The following PPP2R2C variants were observed in gnomAD, a reference collection of about 807,000 sequenced individuals.
PPP2R2C encodes protein phosphatase 2 regulatory subunit Bgamma.
PPP2R2C carries 10 observed loss-of-function variants against 45.3 expected under a neutral mutation model. The observed-to-expected ratio is 0.22, with a 90% CI of 0.14 to 0.37. PPP2R2C has a LOEUF of 0.37. Ranked by LOEUF, PPP2R2C falls within the 10% of genes least tolerant of loss-of-function variation. PPP2R2C has a pLI of 1.00. For synonymous variants in PPP2R2C, 257 were observed against 245.4 expected, an observed-to-expected ratio of 1.05 and a Z score of -0.44; for missense variants, 308 against 619.7, an observed-to-expected ratio of 0.50 and a Z score of 5.34.
At chr4:6,468,376 A>C (rs1375346644) in intron 1 of PPP2R2C, among the ~76,000 whole-genome samples, 1 of 152,196 alleles carries the variant, frequency 6.6e-6, no homozygotes, top group Non-Finnish European at 1.5e-5. Context: ...ACTCTGTGGG[A>C]ATAAACAGAC....
intron 2 of PPP2R2C, among the ~76,000 whole-genome samples, chr4:6,512,530 A>C (rs7375817): frequency 2.0e-5 from 1 of 50,526 alleles, no homozygotes; most frequent in African/African-American, 8.0e-5. Context: ...GGTGGTGGTG[A>C]TGGTGATGGT....
intron 6 of PPP2R2C, among the ~76,000 whole-genome samples, chr4:6,340,593 G>A (rs1733368471): frequency 1.3e-5 from 2 of 152,086 alleles, no homozygotes; most frequent in African/African-American, 4.8e-5. Context: ...GGGGGGCAGG[G>A]CCCACCACCT....
intron 2 of PPP2R2C, among the ~76,000 whole-genome samples, chr4:6,497,161 G>A (rs1035265249): frequency 6.6e-6 from 1 of 152,142 alleles, no homozygotes; most frequent in Non-Finnish European, 1.5e-5. Context: ...CATGAGCACC[G>A]GCAGGACACC....
At chr4:6,514,898 T>C (rs758338239) in intron 2 of PPP2R2C, among the ~76,000 whole-genome samples, 53 of 152,184 alleles carry the variant, frequency 3.5e-4, no homozygotes, top group Non-Finnish European at 6.9e-4. Context: ...TGGGCACTCC[T>C]TGGCTTGTAG....
At chr4:6,445,507 G>GCCTCATAGAC (rs1422257451) in intron 1 of PPP2R2C, among the ~76,000 whole-genome samples, 1 of 152,266 alleles carries the variant, frequency 6.6e-6, no homozygotes, top group Non-Finnish European at 1.5e-5. Flanking sequence ...CAAAGGCACA[G>GCCTCATAGAC]CCTCATAGAC....
In PPP2R2C at chr4:6,345,581, G is replaced by A. The variant is rs1031414125; in HGVS notation, c.790+2265C>T. Among the ~76,000 whole-genome samples, 8 of 152,134 alleles carry A rather than the reference G, an allele frequency of 5.3e-5. No homozygotes were observed. Among genetic ancestry groups the A allele is most frequent in the Non-Finnish European group, 1.0e-4 (7 of 68,012 alleles). On this transcript the variant is annotated intron_variant, in intron 6 of 8. Transcript: ENST00000382599. This position sits in a 1 kb window ranked among gnomAD's most constrained non-coding sequence, Gnocchi z 5.3. ...GAGAGAGGCTTGGCCGCTGTGGGCT[G>A]GGAGGATGGGGGAGGGGCCACGTGC... is the stretch of plus-strand genomic sequence containing the variant.
At chr4:6,503,030 G>C (rs1723109467) in intron 2 of PPP2R2C, among the ~76,000 whole-genome samples, 2 of 152,110 alleles carry the variant, frequency 1.3e-5, no homozygotes, top group Admixed American at 1.3e-4. Flanking sequence ...CCTCACTGCT[G>C]TCTGTTCTCA....
At chr4:6,544,014 G>A (rs1724893635) in intron 1 of PPP2R2C, among the ~76,000 whole-genome samples, 1 of 152,166 alleles carries the variant, frequency 6.6e-6, no homozygotes, top group African/African-American at 2.4e-5. Context: ...AGTCCCCAGA[G>A]TGGACTGCCC....
chr4:6,517,158 G>A (rs576585222), intron 2 of PPP2R2C, among the ~76,000 whole-genome samples: 9 of 152,292 alleles, frequency 5.9e-5, no homozygotes, highest in African/African-American at 2.2e-4. Context: ...CAGATTGCTC[G>A]CCTGGCAGAA....
intron 1 of PPP2R2C, among the ~76,000 whole-genome samples, chr4:6,555,293 A>G (rs948381676): frequency 6.6e-6 from 1 of 152,216 alleles, no homozygotes; most frequent in African/African-American, 2.4e-5. Context: ...ACACAGCCCC[A>G]ACACACTAAC....
In PPP2R2C at chr4:6,498,543, A is replaced by G. The variant is rs115414017; in HGVS notation, c.49+36728T>C. On this transcript the variant is annotated intron_variant, in intron 2 of 9. Coordinates refer to the PPP2R2C transcript ENST00000506140. ...AGTATCAAGGATTAAAAAAATAGCA[A>G]TGGGGTGGAGATAATTCATTGGGTG... is the stretch of plus-strand genomic sequence containing the variant. 7.6e-3 allele frequency among the ~76,000 whole-genome samples: 1,163 copies of G among 152,296 alleles called. 9 individuals carry two copies. The highest frequency in any genetic ancestry group is 0.027 in the African/African-American group (1,113 of 41,552).
intron 1 of PPP2R2C, among the ~76,000 whole-genome samples, chr4:6,543,006 C>G (rs1724855909): frequency 6.6e-6 from 1 of 152,248 alleles, no homozygotes; most frequent in African/African-American, 2.4e-5. Flanking sequence ...AGAACAGAAG[C>G]ATGTTTGGCC....
At chr4:6,428,272 T>G (rs918619245) in intron 1 of PPP2R2C, among the ~76,000 whole-genome samples, 5 of 152,208 alleles carry the variant, frequency 3.3e-5, no homozygotes, top group Admixed American at 6.5e-5. Flanking sequence ...CCCGTCAACA[T>G]GGCTGTGTTT....
intron 2 of PPP2R2C, among the ~76,000 whole-genome samples, chr4:6,529,241 G>A (rs1724315533): frequency 1.3e-5 from 2 of 152,228 alleles, no homozygotes; most frequent in South Asian, 4.1e-4. Context: ...AAGCGACGCA[G>A]GAGCTCCCAC....
chr4:6,414,047 TGG>T (rs1577161985), intron 1 of PPP2R2C: 2 of 1,513,042 alleles, frequency 1.3e-6, no homozygotes, highest in East Asian at 4.9e-5. Flanking sequence ...GAATTATGCA[TGG>T]GACAGTAACA....
At chr4:6,555,756 A>C (rs1023923654) in intron 1 of PPP2R2C, 3 of 152,156 alleles carry the variant, frequency 2.0e-5, no homozygotes, top group African/African-American at 7.2e-5. Flanking sequence ...TGGGAAGGCG[A>C]TTCTGTATCT....
chr4:6,552,047 C>T (rs1186742225), intron 1 of PPP2R2C, among the ~76,000 whole-genome samples: 1 of 152,216 alleles, frequency 6.6e-6, no homozygotes, highest in Non-Finnish European at 1.5e-5. Context: ...AAAGGACCAG[C>T]AAAGACAGCA....
intron 5 of PPP2R2C, 115 bp from the exon 6 acceptor site, chr4:6,348,125 G>C: frequency 1.6e-6 from 2 of 1,234,674 alleles, no homozygotes. Flanking sequence ...CGTCTGAGCT[G>C]CCTCTCTGTT....
intron 5 of PPP2R2C, among the ~76,000 whole-genome samples, chr4:6,363,571 T>G (rs1356288385): frequency 6.7e-6 from 1 of 150,220 alleles, no homozygotes; most frequent in East Asian, 2.0e-4. Context: ...ACAGTGAGTC[T>G]CCATCTCAAA....
Sources: gnomAD v4.1 joint callset for allele counts (sites outside exome capture counted in the v4.1 genomes callset) on GRCh38, gnomAD v4.1.1 for gene constraint, Gnocchi (gnomAD v3.1) non-coding constraint, MANE v1.5 for transcripts, NCBI Gene and HGNC (gene_info 2026-07-23, HGNC 2026-07-21) for gene names.